The following BIRC6 variants were observed in gnomAD, a reference collection of about 807,000 sequenced individuals.
The protein encoded by BIRC6 is baculoviral IAP repeat containing 6, also known as dual E2 ubiquitin-conjugating enzyme/E3 ubiquitin-protein ligase BIRC6.
Under a neutral mutation model 503.3 loss-of-function variants are expected in BIRC6, and 98 were observed. That is an observed-to-expected ratio of 0.19 (90% CI 0.17 to 0.23). The LOEUF (loss-of-function observed/expected upper bound fraction) is 0.23, where lower values mean the gene tolerates loss of function less well. BIRC6 is among the 10% of genes least tolerant of loss of function. The pLI is 1.00. For missense variants in BIRC6, 5,360 were observed against 5,806.0 expected (o/e 0.92, Z 2.50); for synonymous variants, 2,240 against 2,078.7 (o/e 1.08, Z -2.11).
intron 3 of BIRC6, among the ~76,000 whole-genome samples, chr2:32,388,213 T>C (rs2038755684): frequency 6.6e-6 from 1 of 151,722 alleles, no homozygotes; most frequent in African/African-American, 2.4e-5. Flanking sequence ...ACCCCGTCTG[T>C]ACTAAAAATA....
intron 70 of BIRC6, chr2:32,602,720 T>C: frequency 3.0e-6 from 1 of 330,364 alleles, no homozygotes; most frequent in Non-Finnish European, 5.4e-6. Flanking sequence ...TAATTAAAAA[T>C]GTTTTGCTTT....
intron 50 of BIRC6, 133 bp from the exon 51 acceptor site, chr2:32,507,847 G>A (rs893122367): frequency 2.7e-6 from 2 of 740,470 alleles, no homozygotes; most frequent in East Asian, 2.9e-5. Flanking sequence ...ACTATATTTT[G>A]TTGTATAAGT....
chr2:32,400,336 CTTTTTT>C (rs746431747), intron 6 of BIRC6, among the ~76,000 whole-genome samples: 1 of 118,314 alleles, frequency 8.5e-6, no homozygotes, highest in Non-Finnish European at 1.8e-5. Flanking sequence ...GCTTTCAGAT[CTTTTTT>C]TTTTTTTTTT....
chr2:32,590,862 G>C, intron 66 of BIRC6: 8 of 985,784 alleles, frequency 8.1e-6, no homozygotes, highest in Non-Finnish European at 9.6e-6. Flanking sequence ...CCATGGTAGC[G>C]GCCGTCGCTG....
chr2:32,499,141 CTTAATTT>C (rs1373676897), intron 45 of BIRC6, among the ~76,000 whole-genome samples: 2 of 152,144 alleles, frequency 1.3e-5, no homozygotes, highest in African/African-American at 4.8e-5. Context: ...TTGATTGAAT[CTTAATTT>C]TTATGTATCA....
chr2:32,395,634 C>A lies in BIRC6; in HGVS notation c.1034+41C>A, dbSNP rs570187838. 5.4e-6 allele frequency: 8 copies of A among 1,489,824 alleles called. No homozygotes were observed. The Admixed American group carries it at 8.8e-5, about 16-fold the overall frequency. The allele number at this position is 1,489,824 out of a possible 1,614,324, so 92.3% of individuals were successfully genotyped here. ...TCTGGGCATAATAGGCTAAGTCAGTCGTGTAAATAATGCTTCTAAATTTTA... is the reference window on the plus strand; with the variant it reads ...TCTGGGCATAATAGGCTAAGTCAGTAGTGTAAATAATGCTTCTAAATTTTA... On this transcript the variant is annotated intron_variant, in intron 6 of 73. Transcript: ENST00000421745.
intron 22 of BIRC6, among the ~76,000 whole-genome samples, chr2:32,453,451 C>A (rs930980173): frequency 1.3e-5 from 2 of 152,174 alleles, no homozygotes; most frequent in African/African-American, 2.4e-5. Context: ...GCTAATGTGA[C>A]TAGCTGATTT....
intron 27 of BIRC6, 59 bp downstream of exon 27, chr2:32,467,798 A>T: frequency 6.8e-7 from 1 of 1,475,118 alleles, no homozygotes; most frequent in Non-Finnish European, 9.1e-7. Context: ...AAGTTATGAA[A>T]AATGAATATA....
Position 32,573,851 on chromosome 2 carries a change from G to C in BIRC6, c.13145-1305G>C, listed in dbSNP as rs147875852. Among the ~76,000 whole-genome samples the C allele has an allele frequency of 8.5e-5, 13 of 152,136 alleles. No individual in the cohort carries two copies. In the East Asian group the frequency reaches 2.5e-3, roughly 29 times the overall value. On this transcript the variant is annotated intron_variant, in intron 65 of 73. Coordinates refer to ENST00000421745, the MANE Select transcript of BIRC6 (RefSeq NM_016252.4). ...TAAAATAACTTCATCATTCAATTTA[G>C]TTTAAAAAAGTTTCCACTTCATACT...
Position 32,414,063 on chromosome 2 carries a change from G to A in BIRC6, c.1478-706G>A, listed in dbSNP as rs575449030. ...TCCCAGCACTTTGAGAGGCCGAGGC[G>A]GGTGGATTACCTGAGGTCGGGAGTT... On this transcript the variant is annotated intron_variant, in intron 9 of 73. Transcript: ENST00000421745. 7.9e-5 allele frequency among the ~76,000 whole-genome samples: 12 copies of A among 152,146 alleles called. No individual in the cohort carries two copies. In the East Asian group the frequency reaches 2.3e-3, roughly 29 times the overall value.
intron 63 of BIRC6, among the ~76,000 whole-genome samples, chr2:32,547,009 A>G (rs1269779655): frequency 6.6e-6 from 1 of 152,210 alleles, no homozygotes; most frequent in East Asian, 1.9e-4. Flanking sequence ...GTGCTCATGT[A>G]TATCTTCAGT....
intron 66 of BIRC6, among the ~76,000 whole-genome samples, chr2:32,592,116 A>C (rs901117908): frequency 6.6e-6 from 1 of 152,202 alleles, no homozygotes; most frequent in Non-Finnish European, 1.5e-5. Flanking sequence ...GACGTACACT[A>C]TACTCTCCTT....
chr2:32,454,615 G>T lies in BIRC6; in HGVS notation c.4753+673G>T, dbSNP rs377493301. Among the ~76,000 whole-genome samples the T allele has an allele frequency of 3.0e-4, 45 of 152,256 alleles. No individual in the cohort carries two copies. The East Asian group carries it at 6.7e-3, about 23-fold the overall frequency. The stretch of plus-strand genomic sequence containing the variant: ...GTATTAGTCACTGAAGGGTTTGACT[G>T]TTGTCTTAACGTGATTCTTCTGTTG... On this transcript the variant is annotated intron_variant, in intron 23 of 73. Coordinates refer to ENST00000421745, the MANE Select transcript of BIRC6 (RefSeq NM_016252.4).
rs372846206 is a variant in BIRC6 at position 32,477,568 on chromosome 2, A to G, written c.7053A>G (p.Leu2351=). Reference sequence around the variant, plus strand: ...ACTTTACATGTCATGCAGATCTCTTATTGTTTGTTTGTAAGGTATGTAAAC... The same window carrying G: ...ACTTTACATGTCATGCAGATCTCTTGTTGTTTGTTTGTAAGGTATGTAAAC... ...SMDFTCHADL[L]LFVCKVLARI... Residue 2351 remains leucine (L), a synonymous_variant, in exon 35 of 74, where the codon TTA becomes TTG. Coordinates refer to ENST00000421745, the MANE Select transcript of BIRC6 (RefSeq NM_016252.4). 6.2e-7 allele frequency: 1 copy of G among 1,613,238 alleles called. No homozygotes were observed. The highest frequency in any genetic ancestry group is 1.3e-5 in the African/African-American group (1 of 74,810).
chr2:32,546,962 C>G (rs1026760779), intron 63 of BIRC6, among the ~76,000 whole-genome samples: 1 of 152,170 alleles, frequency 6.6e-6, no homozygotes, highest in African/African-American at 2.4e-5. Context: ...ACCTATATTC[C>G]TAGCTACTTG....
At chr2:32,518,477 T>A in intron 56 of BIRC6, 80 bp downstream of exon 56, 1 of 1,412,486 alleles carries the variant, frequency 7.1e-7, no homozygotes, top group Non-Finnish European at 9.6e-7. Context: ...TTACCTCCTA[T>A]GTTCTAACTT....
At chr2:32,446,472 C>T in intron 21 of BIRC6, among the ~76,000 whole-genome samples, 1 of 152,200 alleles carries the variant, frequency 6.6e-6, no homozygotes, top group South Asian at 2.1e-4. Context: ...TTATAATTTC[C>T]TAGGTTAGAT....
chr2:32,487,629 C>A lies in BIRC6; in HGVS notation c.7814-18C>A. ...CTGATACTTTATGTATAAAATTATA[C>A]TTGTGTTTAATTTTCAGTATCACAG... On this transcript the variant is annotated intron_variant, in intron 40 of 73. Transcript: ENST00000421745. The A allele has an allele frequency of 6.2e-7, 1 of 1,607,596 alleles. No individual in the cohort carries two copies. Among genetic ancestry groups the A allele is most frequent in the Non-Finnish European group, 8.5e-7 (1 of 1,174,926 alleles).
intron 70 of BIRC6, among the ~76,000 whole-genome samples, chr2:32,600,684 G>C (rs1419163936): frequency 1.3e-5 from 2 of 152,160 alleles, no homozygotes; most frequent in Admixed American, 6.5e-5. Flanking sequence ...AATTCTCAAG[G>C]CTTCGTTGCA....
Sources: allele counts gnomAD v4.1 joint callset (sites outside exome capture counted in the v4.1 genomes callset), GRCh38; gene constraint gnomAD v4.1.1; transcripts MANE v1.5; gene names NCBI Gene and HGNC (gene_info 2026-07-23, HGNC 2026-07-21).